The following MACROD2 variants were observed in gnomAD, a reference collection of about 807,000 sequenced individuals.
The protein encoded by MACROD2 is ADP-ribose glycohydrolase MACROD2.
Under a neutral mutation model 70.4 loss-of-function variants are expected in MACROD2, and 36 were observed. The observed-to-expected ratio is 0.51, with a 90% CI of 0.39 to 0.68. MACROD2 has a LOEUF of 0.68. MACROD2 is among the 30% of genes least tolerant of loss of function. The probability of loss-of-function intolerance (pLI) is 0.00; values close to 1 mark genes in which losing one functional copy is unlikely to be tolerated. For synonymous variants in MACROD2, 172 were observed against 178.8 expected, an observed-to-expected ratio of 0.96 and a Z score of 0.30; for missense variants, 496 against 538.4, an observed-to-expected ratio of 0.92 and a Z score of 0.78.
intron 8 of MACROD2, among the ~76,000 whole-genome samples, chr20:15,779,414 A>G (rs933197845): frequency 2.6e-5 from 4 of 152,178 alleles, no homozygotes; most frequent in Non-Finnish European, 5.9e-5. Flanking sequence ...TGAGCTGTCC[A>G]TTGAGATATT....
At chr20:14,592,150 C>T (rs1211793018) in intron 4 of MACROD2, among the ~76,000 whole-genome samples, 2 of 151,814 alleles carry the variant, frequency 1.3e-5, no homozygotes, top group African/African-American at 2.4e-5. Context: ...TGGAGTTCCT[C>T]GAGAACAAAA....
intron 5 of MACROD2, among the ~76,000 whole-genome samples, chr20:14,828,723 A>C (rs964067735): frequency 2.0e-5 from 3 of 152,134 alleles, no homozygotes; most frequent in African/African-American, 4.8e-5. Flanking sequence ...GACACTTGAA[A>C]GGGGCAGGTG....
intron 8 of MACROD2, among the ~76,000 whole-genome samples, chr20:15,610,958 G>A (rs1169978702): frequency 9.1e-6 from 1 of 109,326 alleles, no homozygotes; most frequent in East Asian, 2.7e-4. Context: ...ACTTCATCTT[G>A]TGCTTTTCTT....
intron 8 of MACROD2, among the ~76,000 whole-genome samples, chr20:15,576,383 A>C (rs2048447467): frequency 6.6e-6 from 1 of 152,176 alleles, no homozygotes; most frequent in Admixed American, 6.5e-5. Flanking sequence ...CTCAGCTGCA[A>C]ACATTCCATT....
chr20:15,063,112 C>T (rs1250057278), intron 5 of MACROD2, among the ~76,000 whole-genome samples: 12 of 152,146 alleles, frequency 7.9e-5, no homozygotes, highest in Admixed American at 7.9e-4. Context: ...TCATTCGCTT[C>T]ATTCAGTCAA....
chr20:15,323,707 T>C (rs1228401951), intron 6 of MACROD2, among the ~76,000 whole-genome samples: 1 of 152,198 alleles, frequency 6.6e-6, no homozygotes, highest in Admixed American at 6.5e-5. Flanking sequence ...ATTCTACTTC[T>C]TGTGTATTTT....
intron 6 of MACROD2, among the ~76,000 whole-genome samples, chr20:15,255,040 C>G (rs894392225): frequency 2.7e-4 from 40 of 149,898 alleles, no homozygotes; most frequent in African/African-American, 9.6e-4. Flanking sequence ...TTCTGGACAG[C>G]CTAGCATTCC....
chr20:14,077,338 ATTAC>A (rs1428164029), intron 2 of MACROD2, among the ~76,000 whole-genome samples: 2 of 152,216 alleles, frequency 1.3e-5, no homozygotes, highest in African/African-American at 4.8e-5. Context: ...CTTCTGAAAG[ATTAC>A]ACTATAAAGA....
chr20:14,900,154 A>G (rs2073878575), intron 5 of MACROD2, among the ~76,000 whole-genome samples: 1 of 152,098 alleles, frequency 6.6e-6, no homozygotes, highest in Non-Finnish European at 1.5e-5. Flanking sequence ...AATTTCTGGA[A>G]TAGCTCCCAC....
chr20:14,308,002 G>C (rs2082535135), intron 3 of MACROD2, among the ~76,000 whole-genome samples: 1 of 152,084 alleles, frequency 6.6e-6, no homozygotes, highest in Admixed American at 6.6e-5. Context: ...GTTACATATA[G>C]CTGTTCCAAC....
intron 5 of MACROD2, among the ~76,000 whole-genome samples, chr20:15,056,102 A>G (rs1228896699): frequency 6.6e-6 from 1 of 152,104 alleles, no homozygotes; most frequent in East Asian, 1.9e-4. Context: ...CAACATCTTT[A>G]AAGTCTACTT....
chr20:14,138,009 G>A (rs558636681), intron 3 of MACROD2, among the ~76,000 whole-genome samples: 2 of 152,256 alleles, frequency 1.3e-5, no homozygotes, highest in African/African-American at 2.4e-5. Flanking sequence ...TATATTACAA[G>A]GTGCTCAGTC....
intron 8 of MACROD2, among the ~76,000 whole-genome samples, chr20:15,616,571 C>T (rs2049042793): frequency 2.0e-5 from 3 of 152,142 alleles, no homozygotes; most frequent in Admixed American, 1.3e-4. Context: ...CTCTGGTAAA[C>T]GCCCCAGGAC....
intron 5 of MACROD2, among the ~76,000 whole-genome samples, chr20:14,687,955 A>G (rs1208342053): frequency 7.2e-5 from 11 of 152,210 alleles, no homozygotes; most frequent in Non-Finnish European, 1.6e-4. Flanking sequence ...ATTTAAAATT[A>G]TGTTTGATAA....
chr20:14,423,375 G>A (rs754300121), intron 3 of MACROD2, among the ~76,000 whole-genome samples: 4 of 151,558 alleles, frequency 2.6e-5, no homozygotes, highest in Admixed American at 6.6e-5. Context: ...TGATGTTTCT[G>A]GGGGATGGGG....
intron 3 of MACROD2, among the ~76,000 whole-genome samples, chr20:14,409,702 GT>G (rs2083729059): frequency 6.6e-6 from 1 of 152,088 alleles, no homozygotes; most frequent in Non-Finnish European, 1.5e-5. Flanking sequence ...TCCTAACCAG[GT>G]TTTGTGGGCT....
chr20:14,077,793 T>C (rs1447347750), intron 2 of MACROD2, among the ~76,000 whole-genome samples: 1 of 152,094 alleles, frequency 6.6e-6, no homozygotes, highest in Non-Finnish European at 1.5e-5. Flanking sequence ...AGCCCAACAG[T>C]GTGCTAATAT....
intron 2 of MACROD2, among the ~76,000 whole-genome samples, chr20:14,081,419 T>C (rs1470441591): frequency 6.6e-6 from 1 of 152,236 alleles, no homozygotes; most frequent in East Asian, 1.9e-4. Flanking sequence ...CTTCCAGTTC[T>C]GGTTTTCTTT....
chr20:15,983,058 G>A (rs2066425050), intron 13 of MACROD2, among the ~76,000 whole-genome samples: 1 of 152,170 alleles, frequency 6.6e-6, no homozygotes, highest in African/African-American at 2.4e-5. Context: ...TCAGGGCTGG[G>A]GCCAACATGA....
Sources: gnomAD v4.1 joint callset for allele counts (sites outside exome capture counted in the v4.1 genomes callset) on GRCh38, gnomAD v4.1.1 for gene constraint, MANE v1.5 for transcripts, NCBI Gene and HGNC (gene_info 2026-07-23, HGNC 2026-07-21) for gene names.